IGDCC3: variants seen among roughly 807,000 people sequenced by gnomAD.
IGDCC3 encodes immunoglobulin superfamily DCC subclass member 3, also known as putative neuronal cell adhesion molecule.
IGDCC3 carries 47 observed loss-of-function variants against 72.0 expected under a neutral mutation model. The observed-to-expected ratio is 0.65, with a 90% confidence interval of 0.52 to 0.83. The LOEUF (loss-of-function observed/expected upper bound fraction) is 0.83, where lower values mean the gene tolerates loss of function less well. Among genes scored for constraint, IGDCC3 ranks in the 40% least tolerant of loss-of-function variants. The probability of loss-of-function intolerance (pLI) is 0.00; values close to 1 mark genes in which losing one functional copy is unlikely to be tolerated. For missense variants in IGDCC3, 1,038 were observed against 1,091.3 expected (o/e 0.95, Z 0.69); for synonymous variants, 477 against 472.8 (o/e 1.01, Z -0.11).
intron 2 of IGDCC3, among the ~76,000 whole-genome samples, chr15:65,350,930 C>T (rs2091168702): frequency 6.6e-6 from 1 of 152,126 alleles, no homozygotes. Context: ...ATTTCACATG[C>T]AAGGTGTGCA....
intron 4 of IGDCC3, 120 bp from the exon 5 acceptor site, chr15:65,334,985 T>C (rs2091014304): frequency 8.3e-7 from 1 of 1,208,878 alleles, no homozygotes; most frequent in African/African-American, 1.5e-5. Flanking sequence ...CCAGGTCCTG[T>C]GGGCAGAGAG....
Position 65,373,616 on chromosome 15 carries a change from C to T in IGDCC3, c.409+1481G>A, listed in dbSNP as rs145857086. ...CAGACAGGAAAGAGGCGGCGTGCCA[C>T]GGGAGCTAAGTGGGAGGGTGTGGGT... On this transcript the variant is annotated intron_variant, in intron 2 of 13. Coordinates refer to ENST00000327987, the MANE Select transcript of IGDCC3 (RefSeq NM_004884.4). 3.3e-3 allele frequency: 500 copies of T among 152,852 alleles called. 2 individuals are homozygous for T. The highest frequency in any genetic ancestry group is 0.03 in the Middle Eastern group (9 of 296). 9.5% of individuals were successfully genotyped at this position (152,852 alleles called of 1,614,324 possible).
intron 2 of IGDCC3, among the ~76,000 whole-genome samples, chr15:65,369,392 C>T (rs1270364844): frequency 6.6e-6 from 1 of 152,232 alleles, no homozygotes; most frequent in Non-Finnish European, 1.5e-5. Context: ...AAGGGCTTTT[C>T]TACCACACAA....
intron 2 of IGDCC3, among the ~76,000 whole-genome samples, chr15:65,343,571 C>CT (rs1004514241): frequency 1.5e-4 from 23 of 152,164 alleles, no homozygotes; most frequent in African/African-American, 5.6e-4. Context: ...TTTATGAAGC[C>CT]TATAAACCCA....
chr15:65,335,177 G>A lies in IGDCC3; in HGVS notation c.685+114C>T. The A allele has an allele frequency of 4.2e-6, 5 of 1,178,636 alleles. 1 individual carries two copies. In the South Asian group the frequency reaches 7.4e-5, roughly 18 times the overall value. 73.0% of individuals were successfully genotyped at this position (1,178,636 alleles called of 1,614,324 possible). ...CAGGCAGCACAGAGCCCGGCACTCT[G>A]CACGCACGTGGCTGAGAAGGCTGCA... On this transcript the variant is annotated intron_variant, in intron 4 of 13. Coordinates refer to ENST00000327987, the MANE Select transcript of IGDCC3 (RefSeq NM_004884.4).
chr15:65,340,004 C>T (rs1054491158), intron 2 of IGDCC3, among the ~76,000 whole-genome samples: 3 of 152,078 alleles, frequency 2.0e-5, no homozygotes, highest in South Asian at 4.1e-4. Flanking sequence ...TTGTCCACAG[C>T]GATCTGGGAA....
chr15:65,329,886 A>C lies in IGDCC3; in HGVS notation c.1859-22T>G, dbSNP rs1346282586. On this transcript the variant is annotated intron_variant, in intron 11 of 13. Transcript: ENST00000327987. The surrounding 1 kb of genome is among the most constrained non-coding windows in gnomAD (Gnocchi z 4.1). ...AAGGCTGGGGACAGGGACGGGTTGG[A>C]GGCTTTGGCTCTCCAGGTCTGAAGC... 1 of 1,613,174 alleles carries C rather than the reference A, an allele frequency of 6.2e-7. No homozygotes were observed. The highest frequency in any genetic ancestry group is 8.5e-7 in the Non-Finnish European group (1 of 1,179,918).
rs770502499 is a variant in IGDCC3 at position 65,347,968 on chromosome 15, AC to A, written c.410-12013del. The stretch of plus-strand genomic sequence containing the variant: ...CAACAACAACAACAACAACAACAAA[AC>A]AAACAAACAAACAAAAAACAGGTTG... On this transcript the variant is annotated intron_variant, in intron 2 of 13. Coordinates refer to ENST00000327987, the MANE Select transcript of IGDCC3 (RefSeq NM_004884.4). 2.2e-4 allele frequency among the ~76,000 whole-genome samples: 31 copies of A among 140,930 alleles called. 1 individual carries two copies. In the East Asian group the frequency reaches 2.7e-3, roughly 12 times the overall value. 92.5% of individuals were successfully genotyped at this position (140,930 alleles called of 152,430 possible).
chr15:65,355,656 T>TTGCCCCC, intron 2 of IGDCC3: 2 of 211,730 alleles, frequency 9.4e-6, no homozygotes, highest in Non-Finnish European at 1.9e-5. Flanking sequence ...GACGCGGGCG[T>TTGCCCCC]CCCGCCCCCC....
chr15:65,332,087 C>T lies in IGDCC3; in HGVS notation c.1002G>A (p.Gln334=). Residue 334 remains glutamine (Q), a synonymous_variant, in exon 7 of 14, where the codon CAG becomes CAA. Coordinates refer to ENST00000327987, the MANE Select transcript of IGDCC3 (RefSeq NM_004884.4). Reference sequence around the variant, plus strand: ...CTGGCCTGGAGATGGACTGGGGATGCTGCACAAACTCAGCTGGGGCTGCGA... The same window carrying T: ...CTGGCCTGGAGATGGACTGGGGATGTTGCACAAACTCAGCTGGGGCTGCGA... ...LVVQAPAEFV[Q]HPQSISRPAG... The T allele has an allele frequency of 6.2e-7, 1 of 1,613,632 alleles. No homozygotes were observed. Among genetic ancestry groups the T allele is most frequent in the African/African-American group, 1.3e-5 (1 of 75,044 alleles).
At chr15:65,368,347 G>A (rs1274993647) in intron 2 of IGDCC3, among the ~76,000 whole-genome samples, 1 of 152,138 alleles carries the variant, frequency 6.6e-6, no homozygotes, top group East Asian at 1.9e-4. Context: ...GGCTGCAAAT[G>A]CCTCTCCTAT....
chr15:65,368,610 T>C (rs1255740858), intron 2 of IGDCC3, among the ~76,000 whole-genome samples: 2 of 152,042 alleles, frequency 1.3e-5, no homozygotes, highest in African/African-American at 4.8e-5. Context: ...ATAGGCCTTG[T>C]CTAGCTAGAG....
rs751447231 is a variant in IGDCC3, at chr15:65,333,351, G to A, written c.888C>T (p.Asp296=). Residue 296 remains aspartate, a synonymous_variant, in exon 6 of 14, where the codon GAC becomes GAT. Transcript: ENST00000327987. ...VLGTGNLIIS[D]VTVQHSGVYV... Reference sequence around the variant, plus strand: ...AGACGCCAGAGTGCTGGACCGTCACGTCTGAGATGATGAGGTTTCCTGTGC... The same window carrying A: ...AGACGCCAGAGTGCTGGACCGTCACATCTGAGATGATGAGGTTTCCTGTGC... 6 of 1,612,770 alleles carry A rather than the reference G, an allele frequency of 3.7e-6. No individual in the cohort carries two copies. The highest frequency in any genetic ancestry group is 3.3e-5 in the South Asian group (3 of 90,912).
intron 4 of IGDCC3, 135 bp downstream of exon 4, chr15:65,335,156 C>A: frequency 1.0e-6 from 1 of 983,206 alleles, no homozygotes; most frequent in Non-Finnish European, 1.5e-6. Flanking sequence ...TCACGCCAGG[C>A]AGCACAGAGC....
Position 65,327,157 on chromosome 15 carries a change from CA to C in IGDCC3, c.*1751del, listed in dbSNP as rs1371912362. On this transcript the variant is annotated 3_prime_UTR_variant, in exon 14 of 14. Transcript: ENST00000327987. ...TTTGGCAACAGGACTTTTATTCAGTCAAAATGAGCAGAGTGTGACAAAACCC... is the reference window on the plus strand; with the variant it reads ...TTTGGCAACAGGACTTTTATTCAGTCAAATGAGCAGAGTGTGACAAAACCC... 1 of 152,738 alleles carries C rather than the reference CA, an allele frequency of 6.5e-6. No homozygotes were observed. The highest frequency in any genetic ancestry group is 1.5e-5 in the Non-Finnish European group (1 of 68,090). 9.5% of individuals were successfully genotyped at this position (152,738 alleles called of 1,614,324 possible). A position where few individuals can be genotyped will look rare whatever the true frequency, so the allele number is the denominator to read the frequency against.
intron 2 of IGDCC3, among the ~76,000 whole-genome samples, chr15:65,366,207 C>CAAAAA (rs35152855): frequency 1.3e-5 from 1 of 76,780 alleles, no homozygotes; most frequent in Non-Finnish European, 2.7e-5. Flanking sequence ...GACATTGTCT[C>CAAAAA]AAAAAAAAAA....
chr15:65,335,040 G>A (rs2091014830), intron 4 of IGDCC3, among the ~76,000 whole-genome samples, 175 bp from the exon 5 acceptor site: 1 of 152,120 alleles, frequency 6.6e-6, no homozygotes, highest in East Asian at 1.9e-4. Flanking sequence ...CCTCTGCTGC[G>A]GGCTCTGCAG....
Position 65,332,045 on chromosome 15 carries a change from C to T in IGDCC3, c.1044G>A (p.Met348Ile). The T allele has an allele frequency of 1.2e-6, 2 of 1,614,198 alleles. No individual in the cohort carries two copies. The highest frequency in any genetic ancestry group is 1.7e-6 in the Non-Finnish European group (2 of 1,180,038). ...GCTCACCCTGGGCTTGGCAGGTGAA[C>T]ATGGCTGTGGTCCCAGCTGGCCTGG... is the stretch of plus-strand genomic sequence containing the variant. ...SISRPAGTTA[M>I]FTCQAQGEPP... Residue 348 changes from methionine to isoleucine, a missense_variant, in exon 7 of 14, where the codon ATG (methionine) becomes ATA (isoleucine). Physicochemically the swap from Met to Ile is conservative, Grantham distance 10. Transcript: ENST00000327987.
chr15:65,367,681 C>A (rs2091296466), intron 2 of IGDCC3, among the ~76,000 whole-genome samples: 2 of 152,186 alleles, frequency 1.3e-5, no homozygotes, highest in East Asian at 3.9e-4. Flanking sequence ...TCCTCTCTCA[C>A]TTCAGCTTGG....
Sources: gnomAD v4.1 joint callset for allele counts (sites outside exome capture counted in the v4.1 genomes callset) on GRCh38, gnomAD v4.1.1 for gene constraint, Gnocchi (gnomAD v3.1) non-coding constraint, MANE v1.5 for transcripts, NCBI Gene and HGNC (gene_info 2026-07-23, HGNC 2026-07-21) for gene names.